Variants in MSI2 observed in about 807,000 individuals in gnomAD.
MSI2 encodes RNA-binding protein Musashi homolog 2.
In MSI2, 17 loss-of-function variants were observed where a neutral mutation model predicts 45.6. The observed-to-expected ratio is 0.37, with a 90% CI of 0.26 to 0.56. MSI2 has a LOEUF of 0.56. Among genes scored for constraint, MSI2 ranks in the 20% least tolerant of loss-of-function variants. The probability of loss-of-function intolerance (pLI) is 0.77; values close to 1 mark genes in which losing one functional copy is unlikely to be tolerated. For missense variants in MSI2, 293 were observed against 444.2 expected, an observed-to-expected ratio of 0.66 and a Z score of 3.06; for synonymous variants, 156 against 158.2, an observed-to-expected ratio of 0.99 and a Z score of 0.11.
chr17:57,485,124 G>A (rs2085726928), intron 6 of MSI2, among the ~76,000 whole-genome samples: 1 of 152,216 alleles, frequency 6.6e-6, no homozygotes, highest in African/African-American at 2.4e-5. Context: ...TGTTCCCAGA[G>A]TGGGTTTTGT....
intron 7 of MSI2, among the ~76,000 whole-genome samples, chr17:57,556,624 G>A (rs945471608): frequency 1.3e-5 from 2 of 152,174 alleles, no homozygotes; most frequent in African/African-American, 4.8e-5. Flanking sequence ...TTTGCAAGTG[G>A]ACTGATTGGC....
At chr17:57,574,893 C>T (rs529214190) in intron 7 of MSI2, among the ~76,000 whole-genome samples, 73 of 148,742 alleles carry the variant, frequency 4.9e-4, no homozygotes, top group African/African-American at 1.7e-3. Flanking sequence ...TGCAGTGGCA[C>T]GATCTCAGCT....
rs1372133896 is a variant in MSI2, at chr17:57,529,158, T to C, written c.406-518T>C. On this transcript the variant is annotated intron_variant, in intron 6 of 13. Coordinates refer to ENST00000284073, the MANE Select transcript of MSI2 (RefSeq NM_138962.4). The surrounding 1 kb of genome is among the most constrained non-coding windows in gnomAD (Gnocchi z 5.3). The stretch of plus-strand genomic sequence containing the variant: ...CTTTAGAAAAAAAATACTCCAGGCC[T>C]GGAGCAGTGGCTCACACCTATAATC... 6.6e-6 allele frequency among the ~76,000 whole-genome samples: 1 copy of C among 152,180 alleles called. No homozygotes were observed. Among genetic ancestry groups the C allele is most frequent in the African/African-American group, 2.4e-5 (1 of 41,456 alleles).
At chr17:57,559,305 A>C (rs893351679) in intron 7 of MSI2, among the ~76,000 whole-genome samples, 3 of 152,200 alleles carry the variant, frequency 2.0e-5, no homozygotes, top group African/African-American at 7.2e-5. Context: ...GGGAGTAAAA[A>C]GAGGACAAGC....
intron 9 of MSI2, among the ~76,000 whole-genome samples, chr17:57,625,090 A>G (rs189582765): frequency 7.3e-4 from 111 of 152,288 alleles, no homozygotes; most frequent in African/African-American, 2.5e-3. Context: ...TTAAGGGCAC[A>G]TTCATGAGGG....
At chr17:57,470,709 G>C (rs1264727428) in intron 6 of MSI2, among the ~76,000 whole-genome samples, 2 of 152,230 alleles carry the variant, frequency 1.3e-5, no homozygotes, top group Non-Finnish European at 2.9e-5. Flanking sequence ...AGCAGGGATG[G>C]AGACAGCAGT....
rs151109441 is a variant in MSI2 at position 57,553,419 on chromosome 17, C to T, written c.454+23695C>T. ...AGGCTGGGATGAAAGATGAAAGAGA[C>T]GTTTATTTGGTGGGAGGGGGATTGG... On this transcript the variant is annotated intron_variant, in intron 7 of 13. Transcript: ENST00000284073. Among the ~76,000 whole-genome samples, 448 of 152,246 alleles carry T rather than the reference C, an allele frequency of 2.9e-3. 4 individuals are homozygous for T. Among genetic ancestry groups the T allele is most frequent in the Non-Finnish European group, 3.6e-3 (244 of 68,004 alleles).
Position 57,680,775 on chromosome 17 carries a change from G to GGGGGGGGGGGGGGGGGCCCC in MSI2, c.*1258_*1259insGGGGGGGGGGGGGGGGCCCC. The GGGGGGGGGGGGGGGGGCCCC allele has an allele frequency of 6.5e-6, 1 of 152,812 alleles. No individual in the cohort carries two copies. The allele number at this position is 152,812 out of a possible 1,614,324, so 9.5% of individuals were successfully genotyped here. ...GCTTGGGTGGGGGTGGGGTGGGGGG[G>GGGGGGGGGGGGGGGGGCCCC]ACATTCTTTTTCAGTCTTAATTTTT... On this transcript the variant is annotated 3_prime_UTR_variant, in exon 14 of 14. Transcript: ENST00000284073.
intron 5 of MSI2, among the ~76,000 whole-genome samples, chr17:57,389,358 C>T (rs1431231171): frequency 6.6e-6 from 1 of 152,170 alleles, no homozygotes; most frequent in East Asian, 1.9e-4. Flanking sequence ...TCCCGTTGGG[C>T]CTGGCCTATC....
Position 57,616,078 on chromosome 17 carries a change from A to T in MSI2, c.646A>T (p.Met216Leu). The T allele has an allele frequency of 6.2e-7, 1 of 1,613,444 alleles. No individual in the cohort carries two copies. Among genetic ancestry groups the T allele is most frequent in the Non-Finnish European group, 8.5e-7 (1 of 1,179,572 alleles). ...GGACGCGTTCATGCTTGGCATGGGG[A>T]TGCTGGGTGAGTCTGGACAGGACCG... The part of the protein sequence containing the change: ...TMDAFMLGMG[M>L]LGYPNFVATY... Residue 216 changes from methionine (M) to leucine (L), a missense_variant, in exon 9 of 14, where the codon ATG becomes TTG. By Grantham distance (15) the Met-to-Leu change is conservative (BLOSUM62 2). Transcript: ENST00000284073.
intron 6 of MSI2, among the ~76,000 whole-genome samples, chr17:57,431,226 C>T (rs903941608): frequency 1.3e-5 from 2 of 152,206 alleles, no homozygotes; most frequent in African/African-American, 2.4e-5. Context: ...CTCTAGGCAT[C>T]GGCCCTCTCT....
At chr17:57,408,765 G>A (rs1053676455) in intron 6 of MSI2, among the ~76,000 whole-genome samples, 2 of 152,192 alleles carry the variant, frequency 1.3e-5, no homozygotes, top group African/African-American at 2.4e-5. Context: ...CATGGTTCAA[G>A]CTTGTGCCAG....
chr17:57,646,794 C>T (rs2144668989), intron 10 of MSI2, among the ~76,000 whole-genome samples: 1 of 152,258 alleles, frequency 6.6e-6, no homozygotes, highest in Non-Finnish European at 1.5e-5. Context: ...CCTGGAATTC[C>T]ACCATTAGTG....
chr17:57,468,223 G>C (rs1462204060), intron 6 of MSI2, among the ~76,000 whole-genome samples: 5 of 151,714 alleles, frequency 3.3e-5, no homozygotes, highest in Admixed American at 2.6e-4. Context: ...TGCACACAGA[G>C]TCCTTAGAAA....
intron 6 of MSI2, among the ~76,000 whole-genome samples, chr17:57,467,475 T>A (rs1161020759): frequency 6.6e-6 from 1 of 151,916 alleles, no homozygotes; most frequent in East Asian, 1.9e-4. Flanking sequence ...GATGGATGCA[T>A]GGATAGACAG....
At chr17:57,645,172 C>T (rs1598486776) in intron 10 of MSI2, among the ~76,000 whole-genome samples, 1 of 152,116 alleles carries the variant, frequency 6.6e-6, no homozygotes, top group South Asian at 2.1e-4. Flanking sequence ...CACAGAGACC[C>T]GGCTCCCACC....
At chr17:57,511,231 G>T (rs138991001) in intron 6 of MSI2, among the ~76,000 whole-genome samples, 1 of 152,178 alleles carries the variant, frequency 6.6e-6, no homozygotes, top group Non-Finnish European at 1.5e-5. Context: ...CTCAGGGAGC[G>T]GATGCTCTGG....
At chr17:57,284,418 C>G (rs1367845064) in intron 5 of MSI2, among the ~76,000 whole-genome samples, 1 of 152,086 alleles carries the variant, frequency 6.6e-6, no homozygotes, top group Non-Finnish European at 1.5e-5. Context: ...AAAAATAAAT[C>G]TGTGTGCTTT....
intron 10 of MSI2, among the ~76,000 whole-genome samples, chr17:57,641,314 G>T (rs746148264): frequency 2.0e-5 from 3 of 152,184 alleles, no homozygotes; most frequent in African/African-American, 7.2e-5. Context: ...AGACTTGAGC[G>T]TTTGCTGTCC....
Sources: allele counts gnomAD v4.1 joint callset (sites outside exome capture counted in the v4.1 genomes callset), GRCh38; gene constraint gnomAD v4.1.1; non-coding constraint Gnocchi (gnomAD v3.1); transcripts MANE v1.5; gene names NCBI Gene and HGNC (gene_info 2026-07-23, HGNC 2026-07-21).